The following USH2A variants were observed in gnomAD, a reference collection of about 807,000 sequenced individuals.
The protein encoded by USH2A is Usher syndrome 2A (autosomal recessive, mild).
USH2A carries 443 observed loss-of-function variants against 538.9 expected under a neutral mutation model. The observed-to-expected ratio is 0.82, with a 90% CI of 0.76 to 0.89. The LOEUF is 0.89. Among genes scored for constraint, USH2A ranks in the 40% least tolerant of loss-of-function variants. USH2A has a pLI of 0.00. For missense variants in USH2A, 6,633 were observed against 6,324.8 expected, an observed-to-expected ratio of 1.05 and a Z score of -1.65; for synonymous variants, 2,413 against 2,273.5, an observed-to-expected ratio of 1.06 and a Z score of -1.75.
intron 14 of USH2A, among the ~76,000 whole-genome samples, chr1:216,222,428 C>T (rs569270375): frequency 2.6e-5 from 4 of 152,320 alleles, no homozygotes; most frequent in African/African-American, 9.6e-5. Flanking sequence ...ATTATGCCCA[C>T]GCCAACAATA....
At chr1:215,714,108 A>G (rs1193338952) in intron 61 of USH2A, among the ~76,000 whole-genome samples, 1 of 152,246 alleles carries the variant, frequency 6.6e-6, no homozygotes, top group East Asian at 1.9e-4. Flanking sequence ...TGGAACATAT[A>G]AATGATGCTT....
intron 21 of USH2A, among the ~76,000 whole-genome samples, chr1:216,144,280 G>A (rs920374640): frequency 3.3e-5 from 5 of 151,864 alleles, no homozygotes; most frequent in Non-Finnish European, 7.4e-5. Flanking sequence ...AAAGAACAAA[G>A]AAGACTTCTC....
chr1:215,690,189 C>A (rs1228899300), intron 61 of USH2A, among the ~76,000 whole-genome samples: 1 of 152,096 alleles, frequency 6.6e-6, no homozygotes, highest in Non-Finnish European at 1.5e-5. Flanking sequence ...CCAATAGTGG[C>A]CCAGGTCTAC....
intron 21 of USH2A, among the ~76,000 whole-genome samples, chr1:216,120,927 CTT>C (rs1414378963): frequency 3.4e-5 from 5 of 147,754 alleles, no homozygotes; most frequent in South Asian, 2.3e-4. Context: ...ACAAGCAAAA[CTT>C]ATATACTTTT....
At chr1:215,744,934 C>T (rs1660430071) in intron 58 of USH2A, among the ~76,000 whole-genome samples, 1 of 152,202 alleles carries the variant, frequency 6.6e-6, no homozygotes, top group African/African-American at 2.4e-5. Context: ...GATTCCTAAA[C>T]TCTTATCTCT....
intron 21 of USH2A, among the ~76,000 whole-genome samples, chr1:216,104,115 G>A (rs1326055530): frequency 6.6e-6 from 1 of 151,066 alleles, no homozygotes; most frequent in African/African-American, 2.4e-5. Context: ...TGTGCACAAC[G>A]TGCAGGTTTG....
At chr1:215,961,351 TATGAA>T (rs1053279066) in intron 37 of USH2A, among the ~76,000 whole-genome samples, 75 of 151,772 alleles carry the variant, frequency 4.9e-4, no homozygotes, top group African/African-American at 1.8e-3. Context: ...GCAAGATCTA[TATGAA>T]GAAAACTTTG....
At chr1:215,973,098 T>C (rs1461819566) in intron 35 of USH2A, among the ~76,000 whole-genome samples, 3 of 152,194 alleles carry the variant, frequency 2.0e-5, no homozygotes, top group African/African-American at 7.2e-5. Flanking sequence ...GTACAAATAG[T>C]GTGTTACAGA....
Position 216,245,836 on chromosome 1 carries a change from A to C in USH2A, c.2809+749T>G, listed in dbSNP as rs935231324. 3.3e-5 allele frequency among the ~76,000 whole-genome samples: 5 copies of C among 152,192 alleles called. No individual in the cohort carries two copies. The East Asian group carries it at 9.6e-4, about 29-fold the overall frequency. On this transcript the variant is annotated intron_variant, in intron 13 of 71. Coordinates refer to ENST00000307340, the MANE Select transcript of USH2A (RefSeq NM_206933.4). Reference sequence around the variant, plus strand: ...AAGCAAATCACACTTTTGAGTTGGTATCATGCTCATTTTTATAGACCCATA... The same window carrying C: ...AAGCAAATCACACTTTTGAGTTGGTCTCATGCTCATTTTTATAGACCCATA...
In USH2A at chr1:215,868,966, C is replaced by T. The variant is rs530188871; in HGVS notation, c.8682-1796G>A. On this transcript the variant is annotated intron_variant, in intron 43 of 71. Coordinates refer to ENST00000307340, the MANE Select transcript of USH2A (RefSeq NM_206933.4). The stretch of plus-strand genomic sequence containing the variant: ...ATAAATTTCTGTTGTTTCAAGCCAC[C>T]CAGTATGTGATATTTTGTTACTGCA... Among the ~76,000 whole-genome samples, 14 of 152,132 alleles carry T rather than the reference C, an allele frequency of 9.2e-5. No individual in the cohort carries two copies. In the East Asian group the frequency reaches 2.7e-3, roughly 29 times the overall value.
intron 38 of USH2A, among the ~76,000 whole-genome samples, chr1:215,908,026 G>T (rs1665683152): frequency 6.6e-6 from 1 of 151,956 alleles, no homozygotes; most frequent in African/African-American, 2.4e-5. Context: ...GAGATTAATT[G>T]CTTGGAGGTA....
At chr1:216,096,252 C>G (rs1426834076) in intron 22 of USH2A, among the ~76,000 whole-genome samples, 1 of 152,178 alleles carries the variant, frequency 6.6e-6, no homozygotes, top group Non-Finnish European at 1.5e-5. Flanking sequence ...AGAGATTCAT[C>G]TCAGTGTACT....
intron 38 of USH2A, among the ~76,000 whole-genome samples, chr1:215,902,481 A>G (rs1462065588): frequency 6.6e-6 from 1 of 152,174 alleles, no homozygotes; most frequent in African/African-American, 2.4e-5. Context: ...ACTGAATAAA[A>G]TAGACACCAC....
chr1:215,951,448 T>C (rs1312669264), intron 37 of USH2A, among the ~76,000 whole-genome samples: 1 of 152,196 alleles, frequency 6.6e-6, no homozygotes, highest in Non-Finnish European at 1.5e-5. Context: ...TTCTTTTACA[T>C]TTGCTGAGGA....
intron 21 of USH2A, among the ~76,000 whole-genome samples, chr1:216,160,045 C>G (rs1237061156): frequency 6.6e-6 from 1 of 151,498 alleles, no homozygotes; most frequent in Non-Finnish European, 1.5e-5. Flanking sequence ...TGTACTTTCT[C>G]CTTTCCTTGA....
chr1:216,233,234 CATA>C (rs1309379750), intron 13 of USH2A, among the ~76,000 whole-genome samples: 1 of 152,072 alleles, frequency 6.6e-6, no homozygotes, highest in Non-Finnish European at 1.5e-5. Flanking sequence ...CCATTGCAGT[CATA>C]TTTGTTCCTC....
At chr1:216,126,118 C>T (rs1310909310) in intron 21 of USH2A, among the ~76,000 whole-genome samples, 1 of 152,196 alleles carries the variant, frequency 6.6e-6, no homozygotes, top group Non-Finnish European at 1.5e-5. Context: ...GTCCTGCTGA[C>T]TGCTTGGGGT....
intron 47 of USH2A, among the ~76,000 whole-genome samples, chr1:215,834,717 G>A (rs558780587): frequency 6.6e-6 from 1 of 151,104 alleles, no homozygotes; most frequent in East Asian, 1.9e-4. Context: ...TTGGTATCCA[G>A]GGAATCTTTT....
In USH2A at chr1:215,627,442, T is replaced by C. The variant is rs1656086132; in HGVS notation, c.15519+1372A>G. On this transcript the variant is annotated intron_variant, in intron 71 of 71. Coordinates refer to ENST00000307340, the MANE Select transcript of USH2A (RefSeq NM_206933.4). ...CTTCCTTCCTTCCTTCCTTCCTTCC[T>C]TCCTTCCTTCCTTCCTTCCTTCCTT... Among the ~76,000 whole-genome samples, 2 of 118,408 alleles carry C rather than the reference T, an allele frequency of 1.7e-5. 1 individual carries two copies. 77.7% of individuals were successfully genotyped at this position (118,408 alleles called of 152,430 possible). A position where few individuals can be genotyped will look rare whatever the true frequency, so the allele number is the denominator to read the frequency against.
Sources: gnomAD v4.1 joint callset for allele counts (sites outside exome capture counted in the v4.1 genomes callset) on GRCh38, gnomAD v4.1.1 for gene constraint, MANE v1.5 for transcripts, NCBI Gene and HGNC (gene_info 2026-07-23, HGNC 2026-07-21) for gene names.